Variants in NTRK2 observed in about 807,000 individuals in gnomAD.
NTRK2 encodes the protein neurotrophic receptor tyrosine kinase 2.
A neutral mutation model predicts 94.5 loss-of-function variants in NTRK2; 13 were observed. The ratio of observed to expected loss-of-function variants is 0.14; its 90% CI spans 0.09 to 0.22. NTRK2 has a LOEUF of 0.22. Ranked by LOEUF, NTRK2 falls within the 10% of genes least tolerant of loss-of-function variation. The probability of loss-of-function intolerance (pLI) is 1.00; values close to 1 mark genes in which losing one functional copy is unlikely to be tolerated. For synonymous variants in NTRK2, 372 were observed against 407.4 expected (o/e 0.91, Z 1.05); for missense variants, 639 against 1,071.2 (o/e 0.60, Z 5.63).
chr9:84,812,963 A>T, intron 12 of NTRK2: 1 of 1,033,244 alleles, frequency 9.7e-7, no homozygotes, highest in Non-Finnish European at 1.2e-6. Flanking sequence ...TCTTTTTTTT[A>T]ATCCCTGAAG....
chr9:84,885,231 T>A (rs2076376209), intron 14 of NTRK2, among the ~76,000 whole-genome samples: 1 of 152,216 alleles, frequency 6.6e-6, no homozygotes, highest in African/African-American at 2.4e-5. Context: ...GCTTCACTAA[T>A]CAGAAACCTG....
intron 14 of NTRK2, chr9:84,876,682 G>A (rs1446446383): frequency 9.4e-7 from 1 of 1,059,996 alleles, no homozygotes; most frequent in African/African-American, 1.6e-5. Flanking sequence ...TTAGGGTTCA[G>A]GAACTATGAT....
intron 14 of NTRK2, among the ~76,000 whole-genome samples, chr9:84,908,908 AT>A (rs1449894952): frequency 6.6e-6 from 1 of 152,200 alleles, no homozygotes; most frequent in African/African-American, 2.4e-5. Flanking sequence ...ATTGTAAGAA[AT>A]AACACAAACA....
At chr9:84,970,755 A>G (rs1415437680) in intron 17 of NTRK2, among the ~76,000 whole-genome samples, 1 of 152,188 alleles carries the variant, frequency 6.6e-6, no homozygotes, top group African/African-American at 2.4e-5. Flanking sequence ...CAGCAACTTC[A>G]CTTACTTCTG....
At chr9:84,732,170 C>T (rs189814857) in intron 9 of NTRK2, among the ~76,000 whole-genome samples, 3 of 152,300 alleles carry the variant, frequency 2.0e-5, no homozygotes, top group Non-Finnish European at 4.4e-5. Context: ...CTGAAGAGTA[C>T]AACTTGTGAC....
intron 17 of NTRK2, among the ~76,000 whole-genome samples, chr9:84,958,991 A>G (rs571489982): frequency 1.3e-5 from 2 of 152,286 alleles, no homozygotes; most frequent in South Asian, 4.1e-4. Context: ...TACATCAGTC[A>G]TCCACCTATT....
chr9:84,851,003 C>T (rs955060736), intron 12 of NTRK2, among the ~76,000 whole-genome samples: 30 of 152,138 alleles, frequency 2.0e-4, no homozygotes, highest in African/African-American at 6.5e-4. Flanking sequence ...TGGTCAATAC[C>T]TAGGTCAGGG....
intron 17 of NTRK2, among the ~76,000 whole-genome samples, chr9:84,995,359 T>C (rs551514693): frequency 6.6e-6 from 1 of 151,942 alleles, no homozygotes; most frequent in Non-Finnish European, 1.5e-5. Context: ...TATCCCTTGG[T>C]GGGGTTTTTT....
At chr9:84,737,086 C>G (rs993910772) in intron 9 of NTRK2, among the ~76,000 whole-genome samples, 7 of 152,192 alleles carry the variant, frequency 4.6e-5, no homozygotes, top group African/African-American at 1.7e-4. Context: ...ATAGAGTCTG[C>G]AAATAGAATG....
At chr9:84,671,907 T>G (rs1203906961) in intron 2 of NTRK2, among the ~76,000 whole-genome samples, 1 of 152,250 alleles carries the variant, frequency 6.6e-6, no homozygotes, top group African/African-American at 2.4e-5. Context: ...TCTACTGGAC[T>G]GTTATTGTTA....
intron 14 of NTRK2, among the ~76,000 whole-genome samples, chr9:84,933,191 T>A (rs769945979): frequency 6.6e-6 from 1 of 152,180 alleles, no homozygotes. Context: ...CAGAAAATAA[T>A]ACCAGCCAAG....
At chr9:84,728,471 G>C (rs2062617590) in intron 9 of NTRK2, among the ~76,000 whole-genome samples, 1 of 152,172 alleles carries the variant, frequency 6.6e-6, no homozygotes, top group African/African-American at 2.4e-5. Flanking sequence ...CATCACTGTT[G>C]CAAGTATTTA....
chr9:84,965,704 C>T (rs1023141922), intron 17 of NTRK2, among the ~76,000 whole-genome samples: 4 of 152,136 alleles, frequency 2.6e-5, no homozygotes, highest in Non-Finnish European at 5.9e-5. Context: ...TGACAATTGC[C>T]TAAAAGGAGC....
At chr9:85,019,261 A>T (rs915592846) in intron 17 of NTRK2, among the ~76,000 whole-genome samples, 1 of 152,178 alleles carries the variant, frequency 6.6e-6, no homozygotes, top group African/African-American at 2.4e-5. Context: ...CTGCTGTAGG[A>T]TAAGCCCACC....
chr9:84,994,447 C>A (rs1170322600), intron 17 of NTRK2, among the ~76,000 whole-genome samples: 1 of 152,208 alleles, frequency 6.6e-6, no homozygotes, highest in Non-Finnish European at 1.5e-5. Flanking sequence ...CTACACGGAG[C>A]ACAGGTAACA....
At chr9:84,703,967 G>T (rs1346555260) in intron 4 of NTRK2, among the ~76,000 whole-genome samples, 3 of 152,112 alleles carry the variant, frequency 2.0e-5, no homozygotes, top group Admixed American at 1.3e-4. Context: ...GACCTCAGTG[G>T]TTAAGTTCTG....
intron 16 of NTRK2, among the ~76,000 whole-genome samples, chr9:84,949,267 T>C (rs1349658808): frequency 6.6e-6 from 1 of 152,196 alleles, no homozygotes; most frequent in Non-Finnish European, 1.5e-5. Context: ...CTCCAGATTA[T>C]GCGGAGACCC....
rs2061374908 is a variant in NTRK2 at position 84,710,779 on chromosome 9, A to G, written c.571A>G (p.Ile191Val). Residue 191 changes from isoleucine to valine, a missense_variant, in exon 6 of 19, where the codon ATA becomes GTA. By Grantham distance (29) the Ile-to-Val change is conservative. This residue lies in a region of NTRK2 where 206 missense variants were observed against 251.5 expected (regional missense o/e 0.82). Transcript: ENST00000277120. ...GAATATTCCCCTGGCAAACCTGCAGATACCCAATTGTGGTAATTTATTTTT... is the reference window on the plus strand; with the variant it reads ...GAATATTCCCCTGGCAAACCTGCAGGTACCCAATTGTGGTAATTTATTTTT... ...SKNIPLANLQ[I>V]PNCGLPSANL... The G allele has an allele frequency of 6.2e-7, 1 of 1,614,054 alleles. No individual in the cohort carries two copies. The highest frequency in any genetic ancestry group is 1.3e-5 in the African/African-American group (1 of 74,940).
intron 12 of NTRK2, among the ~76,000 whole-genome samples, chr9:84,854,768 G>A (rs1333343929): frequency 1.3e-5 from 2 of 151,968 alleles, no homozygotes; most frequent in South Asian, 2.1e-4. Flanking sequence ...CCAACATGGT[G>A]AAACCCCATC....
Sources: gnomAD v4.1 joint callset for allele counts (sites outside exome capture counted in the v4.1 genomes callset) on GRCh38, gnomAD v4.1.1 for gene constraint, gnomAD v4.1.1 regional missense constraint, MANE v1.5 for transcripts, NCBI Gene and HGNC (gene_info 2026-07-23, HGNC 2026-07-21) for gene names.